CEP128: variants seen among roughly 807,000 people sequenced by gnomAD.
The protein encoded by CEP128 is centrosomal protein 128.
In CEP128, 132 loss-of-function variants were observed where a neutral mutation model predicts 156.7. The ratio of observed to expected loss-of-function variants is 0.84; its 90% confidence interval spans 0.73 to 0.97. CEP128 has a LOEUF of 0.97. CEP128 is among the 50% of genes least tolerant of loss of function. The pLI is 0.00. For missense variants in CEP128, 1,252 were observed against 1,281.9 expected (o/e 0.98, Z 0.36); for synonymous variants, 469 against 448.9 (o/e 1.04, Z -0.57).
intron 19 of CEP128, among the ~76,000 whole-genome samples, chr14:80,639,349 T>C (rs928735987): frequency 1.3e-5 from 2 of 152,052 alleles, no homozygotes; most frequent in African/African-American, 4.8e-5. Flanking sequence ...CAAAAGAGAA[T>C]TGCTGAAACA....
chr14:80,664,635 C>T (rs767420663), intron 19 of CEP128, among the ~76,000 whole-genome samples: 5 of 152,138 alleles, frequency 3.3e-5, no homozygotes, highest in Non-Finnish European at 5.9e-5. Context: ...AATTGATTGT[C>T]CTGGTCACAA....
At chr14:80,795,981 A>G (rs1191385590) in intron 13 of CEP128, among the ~76,000 whole-genome samples, 1 of 152,148 alleles carries the variant, frequency 6.6e-6, no homozygotes, top group East Asian at 1.9e-4. Context: ...GAAAAACAAC[A>G]CCAACAAAAG....
chr14:80,854,105 AT>A lies in CEP128; in HGVS notation c.762+8651del, dbSNP rs540100477. Among the ~76,000 whole-genome samples, 393 of 152,314 alleles carry A rather than the reference AT, an allele frequency of 2.6e-3. 1 individual carries two copies. The highest frequency in any genetic ancestry group is 9.2e-3 in the African/African-American group (381 of 41,586). ...AAGAGGTGTGTGAATAGATGCTCAA[AT>A]TCACTATTAGAGAAAAGTGAATAAA... On this transcript the variant is annotated intron_variant, in intron 9 of 24. Coordinates refer to ENST00000555265, the MANE Select transcript of CEP128 (RefSeq NM_152446.5).
At chr14:80,501,037 T>C (rs1217218954) in intron 24 of CEP128, among the ~76,000 whole-genome samples, 1 of 152,200 alleles carries the variant, frequency 6.6e-6, no homozygotes, top group Non-Finnish European at 1.5e-5. Flanking sequence ...AGTAGTCTTT[T>C]TTTTTTTAAG....
At chr14:80,859,638 G>C (rs1448047222) in intron 9 of CEP128, among the ~76,000 whole-genome samples, 2 of 152,236 alleles carry the variant, frequency 1.3e-5, no homozygotes, top group African/African-American at 4.8e-5. Context: ...GCTCAAAAAA[G>C]GAAGTGGATT....
In CEP128 at chr14:80,559,649, G is replaced by C. The variant is rs1225009504; in HGVS notation, c.2857-347C>G. Among the ~76,000 whole-genome samples, 3 of 152,190 alleles carry C rather than the reference G, an allele frequency of 2.0e-5. No individual in the cohort carries two copies. In the East Asian group the frequency reaches 5.8e-4, roughly 29 times the overall value. On this transcript the variant is annotated intron_variant, in intron 20 of 24. Coordinates refer to ENST00000555265, the MANE Select transcript of CEP128 (RefSeq NM_152446.5). ...GATTATATGAATCACAACTAGACAAGAGTAGTGATATAGACAAGGAATTAA... is the reference window on the plus strand; with the variant it reads ...GATTATATGAATCACAACTAGACAACAGTAGTGATATAGACAAGGAATTAA...
chr14:80,724,599 CTA>C (rs1897941960), intron 19 of CEP128, among the ~76,000 whole-genome samples: 2 of 151,950 alleles, frequency 1.3e-5, no homozygotes, highest in African/African-American at 2.4e-5. Context: ...TTAGATTATT[CTA>C]TGTTTACCTT....
intron 20 of CEP128, among the ~76,000 whole-genome samples, chr14:80,576,608 T>A (rs1275919801): frequency 6.8e-6 from 1 of 147,774 alleles, no homozygotes; most frequent in African/African-American, 2.5e-5. Flanking sequence ...CTACCACTCA[T>A]GTGAAATTAC....
intron 19 of CEP128, among the ~76,000 whole-genome samples, chr14:80,654,139 G>A (rs1207705895): frequency 6.6e-6 from 1 of 152,126 alleles, no homozygotes; most frequent in African/African-American, 2.4e-5. Context: ...ATAGGCATTT[G>A]TGACTCGTGA....
chr14:80,706,560 A>T (rs1897246513), intron 19 of CEP128, among the ~76,000 whole-genome samples: 1 of 152,040 alleles, frequency 6.6e-6, no homozygotes, highest in South Asian at 2.1e-4. Flanking sequence ...GCTGTCATTT[A>T]TCTCTGCTGT....
At chr14:80,895,859 A>G (rs1032575795) in intron 7 of CEP128, 69 bp from the exon 8 acceptor site, 4 of 1,059,074 alleles carry the variant, frequency 3.8e-6, no homozygotes, top group African/African-American at 1.6e-5. Context: ...AGTGAAATGT[A>G]TAACATGATA....
intron 8 of CEP128, among the ~76,000 whole-genome samples, chr14:80,882,470 G>A (rs919075168): frequency 3.3e-5 from 5 of 152,114 alleles, no homozygotes; most frequent in Admixed American, 6.5e-5. Flanking sequence ...CACTGTTCGT[G>A]GGAATGTAAA....
chr14:80,596,848 G>GC (rs902272309), intron 19 of CEP128, among the ~76,000 whole-genome samples: 1 of 119,836 alleles, frequency 8.3e-6, no homozygotes, highest in Non-Finnish European at 1.7e-5. Context: ...AAAAAGGTGG[G>GC]GGGGGGAGGA....
chr14:80,731,067 T>A (rs1898249281), intron 19 of CEP128, among the ~76,000 whole-genome samples: 1 of 152,196 alleles, frequency 6.6e-6, no homozygotes. Context: ...GCCTAAAGAC[T>A]TTGAAATTTT....
chr14:80,632,206 A>G (rs1032875907), intron 19 of CEP128, among the ~76,000 whole-genome samples: 1 of 152,000 alleles, frequency 6.6e-6, no homozygotes, highest in Non-Finnish European at 1.5e-5. Flanking sequence ...TTAGTTTTCT[A>G]TGTATGCACA....
intron 4 of CEP128, among the ~76,000 whole-genome samples, chr14:80,907,117 A>C (rs1250271744): frequency 6.6e-6 from 1 of 152,198 alleles, no homozygotes; most frequent in East Asian, 1.9e-4. Flanking sequence ...CCGAAGGAAA[A>C]GAACAGATGA....
intron 23 of CEP128, among the ~76,000 whole-genome samples, chr14:80,508,438 G>T (rs115800954): frequency 0.013 from 2,001 of 152,134 alleles, 52 homozygotes; most frequent in African/African-American, 0.045. Context: ...CTTCGTTGAT[G>T]ATTTCGTTTC....
rs192700385 is a variant in CEP128 at position 80,862,884 on chromosome 14, A to G, written c.646-11T>C. On this transcript the variant is annotated splice_polypyrimidine_tract_variant and intron_variant, in intron 8 of 24. Coordinates refer to ENST00000555265, the MANE Select transcript of CEP128 (RefSeq NM_152446.5). Reference sequence around the variant, plus strand: ...CACCCGATCTGAAACCTTAATAAGAATTCAGAGAAACAGCAGCATTATAGA... The same window carrying G: ...CACCCGATCTGAAACCTTAATAAGAGTTCAGAGAAACAGCAGCATTATAGA... The G allele has an allele frequency of 1.5e-5, 24 of 1,590,562 alleles. No individual in the cohort carries two copies. The East Asian group carries it at 5.4e-4, about 36-fold the overall frequency.
chr14:80,484,116 A>G (rs192005994), intron 14 of CEP128, among the ~76,000 whole-genome samples: 1 of 152,254 alleles, frequency 6.6e-6, no homozygotes, highest in Non-Finnish European at 1.5e-5. Flanking sequence ...AGATGGGACT[A>G]CAGGCGTGCA....
Sources: gnomAD v4.1 joint callset for allele counts (sites outside exome capture counted in the v4.1 genomes callset) on GRCh38, gnomAD v4.1.1 for gene constraint, MANE v1.5 for transcripts, NCBI Gene and HGNC (gene_info 2026-07-23, HGNC 2026-07-21) for gene names.